ZBED1: variants seen among roughly 807,000 people sequenced by gnomAD.
ZBED1 encodes zinc finger BED-type containing 1.
A neutral mutation model predicts 49.7 loss-of-function variants in ZBED1; 19 were observed. The ratio of observed to expected loss-of-function variants is 0.38; its 90% CI spans 0.27 to 0.56. The LOEUF is 0.56. Among genes scored for constraint, ZBED1 ranks in the 20% least tolerant of loss-of-function variants. The pLI is 0.70. For missense variants in ZBED1, 806 were observed against 972.6 expected (o/e 0.83, Z 2.28); for synonymous variants, 439 against 440.3 (o/e 1.00, Z 0.04).
intron 1 of ZBED1, among the ~76,000 whole-genome samples, chrX:2,492,547 A>C (rs1403765607): frequency 1.3e-5 from 2 of 152,084 alleles, no homozygotes; most frequent in African/African-American, 4.8e-5. Context: ...AATTTTGTAG[A>C]TCTCATGAGT....
At position 2,490,266 on chromosome X, in the gene ZBED1, G is replaced by A; in HGVS notation, c.454C>T (p.Leu152=). Residue 152 remains leucine (L), a synonymous_variant, in exon 2 of 2, where the codon CTG becomes TTG. Coordinates refer to ENST00000652001, the MANE Select transcript of ZBED1 (RefSeq NM_001171136.2). The part of the protein sequence containing the change: ...SIVDEPTFKV[L]LKTADPRYEL... ...TACCGGGGGTCGGCCGTCTTCAGCA[G>A]CACCTTGAAGGTGGGCTCGTCCACG... The A allele has an allele frequency of 1.2e-6, 2 of 1,613,768 alleles. No homozygotes were observed. Among genetic ancestry groups the A allele is most frequent in the South Asian group, 1.1e-5 (1 of 91,064 alleles).
At chrX:2,491,527 C>T (rs1486934520) in intron 1 of ZBED1, among the ~76,000 whole-genome samples, 19 of 152,192 alleles carry the variant, frequency 1.2e-4, no homozygotes, top group Admixed American at 1.2e-3. Flanking sequence ...CCAACCATCA[C>T]AGCAGGACTC....
At position 2,488,446 on chromosome X, in the gene ZBED1, A is replaced by G; in HGVS notation, c.*189T>C. On this transcript the variant is annotated 3_prime_UTR_variant, in exon 2 of 2. Transcript: ENST00000652001. ...CACCTCGGCCTCCCAAAGTGCTGCG[A>G]TTATAGACAGGAGCCACCGCCCCCG... 2.7e-6 allele frequency: 2 copies of G among 737,292 alleles called. No individual in the cohort carries two copies. The highest frequency in any genetic ancestry group is 4.2e-6 in the Non-Finnish European group (2 of 478,218). 45.7% of individuals were successfully genotyped at this position (737,292 alleles called of 1,614,324 possible).
rs201137609 is a variant in ZBED1, at chrX:2,488,874, C to T, written c.1846G>A (p.Val616Ile). ...GATCCGAAGAGACGCTCAGGGGCGACGCGCGTGGCCGTCACGCACCAGTAC... is the reference window on the plus strand; with the variant it reads ...GATCCGAAGAGACGCTCAGGGGCGATGCGCGTGGCCGTCACGCACCAGTAC... ...QKYWCVTATR[V>I]APERLFGSAA... is the part of the protein sequence containing the mutation. Residue 616 changes from valine to isoleucine, a missense_variant, in exon 2 of 2, where the codon GTC (valine) becomes ATC (isoleucine). By Grantham distance (29) the Val-to-Ile change is conservative. This residue lies in a region of ZBED1 where 749 missense variants were observed against 861.3 expected (regional missense o/e 0.87). Coordinates refer to ENST00000652001, the MANE Select transcript of ZBED1 (RefSeq NM_001171136.2). 2.5e-5 allele frequency: 41 copies of T among 1,612,404 alleles called. No individual in the cohort carries two copies. The highest frequency in any genetic ancestry group is 3.3e-5 in the South Asian group (3 of 90,914).
In ZBED1 at chrX:2,488,465, G is replaced by T. The variant is rs1007543017; in HGVS notation, c.*170C>A. On this transcript the variant is annotated 3_prime_UTR_variant, in exon 2 of 2. Transcript: ENST00000652001. ...GCTGCGATTATAGACAGGAGCCACC[G>T]CCCCCGACCCTCTCTCACTTCTCAA... is the stretch of plus-strand genomic sequence containing the variant. 2.2e-6 allele frequency: 2 copies of T among 900,138 alleles called. No individual in the cohort carries two copies. Among genetic ancestry groups the T allele is most frequent in the Non-Finnish European group, 3.2e-6 (2 of 620,516 alleles). The allele number at this position is 900,138 out of a possible 1,614,324, so 55.8% of individuals were successfully genotyped here.
At position 2,489,811 on chromosome X, in the gene ZBED1, G is replaced by A; in HGVS notation, c.909C>T (p.Phe303=). Residue 303 remains phenylalanine, a synonymous_variant, in exon 2 of 2, where the codon TTC becomes TTT. Coordinates refer to ENST00000652001, the MANE Select transcript of ZBED1 (RefSeq NM_001171136.2). ...HTFNAGIQQA[F]QLPKLGALLS... ...GCAGCGCCCCCAGCTTCGGGAGCTG[G>A]AAGGCCTGCTGGATGCCGGCATTGA... is the stretch of plus-strand genomic sequence containing the variant. The A allele has an allele frequency of 6.2e-7, 1 of 1,613,588 alleles. No individual in the cohort carries two copies. Among genetic ancestry groups the A allele is most frequent in the Non-Finnish European group, 8.5e-7 (1 of 1,179,872 alleles).
In ZBED1 at chrX:2,489,238, C is replaced by G. The variant is rs144504301; in HGVS notation, c.1482G>C (p.Glu494Asp). The change falls in exon 2 of 2, where the codon GAG (glutamate) becomes GAC (aspartate). Residue 494 changes from glutamate (E) to aspartate (D), a missense_variant. Glu to Asp is a conservative substitution (Grantham distance 45). Around this residue, in one of 2 missense-constraint regions of ZBED1, gnomAD observed 749 missense variants for 861.3 expected, o/e 0.87. Transcript: ENST00000652001. ...FLSAFERQQV[E>D]NRVVEEAKGL... ...CCTTGGCCTCTTCCACCACGCGATT[C>G]TCCACCTGCTGCCGCTCGAAGGCGG... 2.4e-5 allele frequency: 39 copies of G among 1,613,994 alleles called. No homozygotes were observed. Among genetic ancestry groups the G allele is most frequent in the Non-Finnish European group, 2.5e-5 (30 of 1,179,880 alleles).
rs139717854 is a variant in ZBED1 at position 2,490,546 on chromosome X, T to C, written c.174A>G (p.Gly58=). ...RICMAQIAYS[G]NTSNLSYHLE... ...GGTGGTAGGACAGGTTGGAGGTGTT[T>C]CCGGAGTAGGCGATCTGGGCCATGC... is the stretch of plus-strand genomic sequence containing the variant. Residue 58 remains glycine, a synonymous_variant, in exon 2 of 2, where the codon GGA becomes GGG. Coordinates refer to ENST00000652001, the MANE Select transcript of ZBED1 (RefSeq NM_001171136.2). The C allele has an allele frequency of 6.2e-7, 1 of 1,613,838 alleles. No homozygotes were observed. Among genetic ancestry groups the C allele is most frequent in the Non-Finnish European group, 8.5e-7 (1 of 1,179,864 alleles).
Position 2,489,857 on chromosome X carries a change from A to C in ZBED1, c.863T>G (p.Met288Arg). Residue 288 changes from methionine (M) to arginine (R), a missense_variant, in exon 2 of 2, where the codon ATG (methionine) becomes AGG (arginine). Physicochemically the swap from Met to Arg is moderately conservative, Grantham distance 91. This residue lies in a region of ZBED1 where 749 missense variants were observed against 861.3 expected (regional missense o/e 0.87). Transcript: ENST00000652001. Reference protein sequence around the residue: ...ACSLLDVAVHMPCLGHTFNAG... With the variant: ...ACSLLDVAVHRPCLGHTFNAG... Reference sequence around the variant, plus strand: ...ATTGAAGGTGTGGCCCAGGCAGGGCATGTGCACTGCGACGTCCAGCAGGGA... The same window carrying C: ...ATTGAAGGTGTGGCCCAGGCAGGGCCTGTGCACTGCGACGTCCAGCAGGGA... 6.2e-7 allele frequency: 1 copy of C among 1,613,728 alleles called. No homozygotes were observed. Among genetic ancestry groups the C allele is most frequent in the Non-Finnish European group, 8.5e-7 (1 of 1,179,878 alleles).
rs2045047381 is a variant in ZBED1 at position 2,489,159 on chromosome X, A to G, written c.1561T>C (p.Phe521Leu). 1.2e-6 allele frequency: 2 copies of G among 1,613,636 alleles called. No individual in the cohort carries two copies. Among genetic ancestry groups the G allele is most frequent in the African/African-American group, 1.3e-5 (1 of 75,050 alleles). ...GGYRPAEDKI[F>L]PVPEEPPVKK... ...ACGGGAGGCTCCTCGGGCACCGGGA[A>G]GATCTTGTCCTCAGCCGGCCGGTAG... The change falls in exon 2 of 2, where the codon TTC becomes CTC. Residue 521 changes from phenylalanine (F) to leucine (L), a missense_variant. Phe to Leu is a conservative substitution (Grantham distance 22, BLOSUM62 0). This residue lies in a region of ZBED1 where 749 missense variants were observed against 861.3 expected (regional missense o/e 0.87). Coordinates refer to ENST00000652001, the MANE Select transcript of ZBED1 (RefSeq NM_001171136.2).
intron 1 of ZBED1, among the ~76,000 whole-genome samples, chrX:2,494,127 T>C (rs1326600816): frequency 6.6e-6 from 1 of 151,490 alleles, no homozygotes; most frequent in Non-Finnish European, 1.5e-5. Context: ...ATCCATATTC[T>C]ATTATTATTA....
chrX:2,490,999 G>A (rs7063731), intron 1 of ZBED1, among the ~76,000 whole-genome samples: 53 of 152,022 alleles, frequency 3.5e-4, no homozygotes, highest in Non-Finnish European at 5.6e-4. Context: ...GATGCCGCAC[G>A]TGTCAACATA....
chrX:2,490,112 C>T lies in ZBED1; in HGVS notation c.608G>A (p.Ser203Asn). The T allele has an allele frequency of 6.2e-7, 1 of 1,613,920 alleles. No homozygotes were observed. The highest frequency in any genetic ancestry group is 8.5e-7 in the Non-Finnish European group (1 of 1,179,882). Residue 203 changes from serine (S) to asparagine (N), a missense_variant, in exon 2 of 2, where the codon AGT becomes AAT. Transcript: ENST00000652001. The part of the protein sequence containing the change: ...WCGISTDMWR[S>N]ENQNRAYVTL... ...GACGTAGGCGCGGTTCTGATTCTCACTCCTCCACATGTCGGTGGAGATGCC... is the reference window on the plus strand; with the variant it reads ...GACGTAGGCGCGGTTCTGATTCTCATTCCTCCACATGTCGGTGGAGATGCC...
chrX:2,493,311 TCCTC>T (rs2045204467), intron 1 of ZBED1, among the ~76,000 whole-genome samples: 1 of 152,060 alleles, frequency 6.6e-6, no homozygotes, highest in East Asian at 1.9e-4. Flanking sequence ...CTGTATCAGA[TCCTC>T]CATCATCATC....
intron 1 of ZBED1, among the ~76,000 whole-genome samples, chrX:2,492,649 C>A (rs1225870760): frequency 1.3e-5 from 2 of 150,282 alleles, no homozygotes; most frequent in African/African-American, 2.5e-5. Context: ...GAGACACAGA[C>A]ACAGAGAAGG....
intron 1 of ZBED1, among the ~76,000 whole-genome samples, chrX:2,491,887 T>C (rs1306100470): frequency 6.6e-6 from 1 of 152,142 alleles, no homozygotes; most frequent in Non-Finnish European, 1.5e-5. Flanking sequence ...CCTGTTGAGG[T>C]TGAATGCTCA....
intron 1 of ZBED1, among the ~76,000 whole-genome samples, chrX:2,496,357 C>A (rs752355836): frequency 6.7e-6 from 1 of 149,354 alleles, no homozygotes; most frequent in African/African-American, 2.4e-5. Context: ...CACTGCCACA[C>A]CCAGCTAATT....
chrX:2,499,144 G>C (rs2045350925), intron 1 of ZBED1, among the ~76,000 whole-genome samples: 1 of 152,084 alleles, frequency 6.6e-6, no homozygotes, highest in African/African-American at 2.4e-5. Context: ...AGTGGGTGCA[G>C]AGTGGAAGTC....
intron 1 of ZBED1, among the ~76,000 whole-genome samples, chrX:2,494,597 T>C (rs1410912836): frequency 2.0e-5 from 3 of 152,010 alleles, no homozygotes; most frequent in African/African-American, 7.2e-5. Context: ...AAAAAGGTTC[T>C]GGCACTTCAG....
Sources: allele counts gnomAD v4.1 joint callset (sites outside exome capture counted in the v4.1 genomes callset), GRCh38; gene constraint gnomAD v4.1.1; regional missense constraint gnomAD v4.1.1; transcripts MANE v1.5; gene names NCBI Gene and HGNC (gene_info 2026-07-23, HGNC 2026-07-21).